The following LRIG3 variants were observed in gnomAD, a reference collection of about 807,000 sequenced individuals.
The protein encoded by LRIG3 is leucine rich repeats and immunoglobulin like domains 3.
LRIG3 carries 76 observed loss-of-function variants against 114.5 expected under a neutral mutation model. The ratio of observed to expected loss-of-function variants is 0.66; its 90% confidence interval spans 0.55 to 0.80. LRIG3 has a LOEUF of 0.80. Among genes scored for constraint, LRIG3 ranks in the 30% least tolerant of loss-of-function variants. LRIG3 has a pLI of 0.00. For synonymous variants in LRIG3, 512 were observed against 519.8 expected (o/e 0.98, Z 0.20); for missense variants, 1,239 against 1,382.8 (o/e 0.90, Z 1.65).
At chr12:58,888,141 G>C (rs1871336605) in intron 7 of LRIG3, among the ~76,000 whole-genome samples, 188 bp downstream of exon 7, 1 of 152,106 alleles carries the variant, frequency 6.6e-6, no homozygotes, top group Admixed American at 6.6e-5. Flanking sequence ...TTGCCAACGT[G>C]ACATAGAACT....
In LRIG3 at chr12:58,874,458, G is replaced by A. The variant is rs201814876; in HGVS notation, c.2811C>T (p.Gly937=). The part of the protein sequence containing the change: ...GPMYLKGNVY[G]SDPFETYHTG... ...TATGATATGTTTCAAAAGGATCTGA[G>A]CCATACACATTTCCCTTCAAATACA... is the stretch of plus-strand genomic sequence containing the variant. The change falls in exon 17 of 19, where the codon GGC becomes GGT. Residue 937 remains glycine (G), a synonymous_variant. Transcript: ENST00000320743. The A allele has an allele frequency of 1.6e-5, 26 of 1,614,180 alleles. No homozygotes were observed. The Admixed American group carries it at 4.0e-4, about 25-fold the overall frequency.
chr12:58,895,858 C>A (rs886814011), intron 3 of LRIG3, among the ~76,000 whole-genome samples: 1 of 152,152 alleles, frequency 6.6e-6, no homozygotes, highest in African/African-American at 2.4e-5. Context: ...CATCACACTT[C>A]CTCTGGTTTC....
At chr12:58,904,359 C>G (rs1871982920) in intron 3 of LRIG3, among the ~76,000 whole-genome samples, 1 of 152,146 alleles carries the variant, frequency 6.6e-6, no homozygotes, top group South Asian at 2.1e-4. Context: ...GCTTTATTGT[C>G]TTGTCTCTCT....
At chr12:58,917,285 G>T (rs536840086) in intron 1 of LRIG3, among the ~76,000 whole-genome samples, 1 of 152,318 alleles carries the variant, frequency 6.6e-6, no homozygotes, top group South Asian at 2.1e-4. Flanking sequence ...ATGCCAGTGA[G>T]AATTTAATAA....
chr12:58,919,723 CAATCTCTGGCG>C (rs1257365363), intron 1 of LRIG3, among the ~76,000 whole-genome samples: 2 of 152,192 alleles, frequency 1.3e-5, no homozygotes, highest in Non-Finnish European at 2.9e-5. Context: ...ACTTCATCCC[CAATCTCTGGCG>C]TCGTTACTGG....
intron 1 of LRIG3, among the ~76,000 whole-genome samples, chr12:58,915,354 A>G (rs1458912460): frequency 1.3e-5 from 2 of 152,234 alleles, no homozygotes; most frequent in Admixed American, 1.3e-4. Flanking sequence ...AGTTTTTTAA[A>G]TAACCAAAGT....
At chr12:58,885,993 T>C (rs781492739) in intron 9 of LRIG3, 91 bp from the exon 10 acceptor site, 26 of 642,826 alleles carry the variant, frequency 4.0e-5, no homozygotes, top group Non-Finnish European at 6.7e-5. Context: ...AAATTATGTG[T>C]GAGCAATTCC....
intron 15 of LRIG3, 41 bp from the exon 16 acceptor site, chr12:58,876,644 G>A (rs200565765): frequency 3.2e-5 from 52 of 1,607,444 alleles, no homozygotes; most frequent in Non-Finnish European, 3.8e-5. Flanking sequence ...AAGGATGATC[G>A]TTAATTGTCC....
Position 58,913,938 on chromosome 12 carries a change from G to T in LRIG3, c.383+44C>A, listed in dbSNP as rs756434013. The T allele has an allele frequency of 2.6e-6, 4 of 1,545,288 alleles. No homozygotes were observed. In the East Asian group the frequency reaches 6.7e-5, roughly 26 times the overall value. ...AGTCCCTATGGAACTCCCACTCAAG[G>T]TTCCTGCAAACATACATGAGGAATT... On this transcript the variant is annotated intron_variant, in intron 3 of 18. Coordinates refer to ENST00000320743, the MANE Select transcript of LRIG3 (RefSeq NM_153377.5).
Position 58,888,377 on chromosome 12 carries a change from T to C in LRIG3, c.899A>G (p.Asn300Ser), listed in dbSNP as rs780014457. 8 of 1,613,902 alleles carry C rather than the reference T, an allele frequency of 5.0e-6. No individual in the cohort carries two copies. Among genetic ancestry groups the C allele is most frequent in the East Asian group, 2.2e-5 (1 of 44,868 alleles). ...CTCCCAGGCATCAGGGCTGATCCTG[T>C]TGATGGCATTTTGGCTGAGATGAAG... Reference protein sequence around the residue: ...QELHLSQNAINRISPDAWEFC... With the variant: ...QELHLSQNAISRISPDAWEFC... Residue 300 changes from asparagine (N) to serine (S), a missense_variant, in exon 7 of 19, where the codon AAC (asparagine) becomes AGC (serine). Physicochemically the swap from Asn to Ser is conservative, Grantham distance 46. Coordinates refer to ENST00000320743, the MANE Select transcript of LRIG3 (RefSeq NM_153377.5).
Position 58,880,892 on chromosome 12 carries a change from G to A in LRIG3, c.1490C>T (p.Pro497Leu). The A allele has an allele frequency of 1.9e-6, 3 of 1,610,390 alleles. No homozygotes were observed. The highest frequency in any genetic ancestry group is 2.5e-6 in the Non-Finnish European group (3 of 1,176,988). The change falls in exon 13 of 19, where the codon CCC becomes CTC. Residue 497 changes from proline to leucine, a missense_variant. Transcript: ENST00000320743. ...TGGCTGAACCGTGATCTGGGGTTTG[G>A]GAAAATCATCTGTTAAAAATGGAGA... ...SPDGFVCDDF[P>L]KPQITVQPET...
Position 58,881,547 on chromosome 12 carries a change from A to G in LRIG3, c.1481-646T>C, listed in dbSNP as rs537846106. Among the ~76,000 whole-genome samples, 4 of 152,298 alleles carry G rather than the reference A, an allele frequency of 2.6e-5. No homozygotes were observed. The South Asian group carries it at 8.3e-4, about 32-fold the overall frequency. The stretch of plus-strand genomic sequence containing the variant: ...CGCCGCGCTGCCCTGTCAAAGCTAC[A>G]TTATAATTAGAGCTAAGCAACTCTT... On this transcript the variant is annotated intron_variant, in intron 12 of 18. Transcript: ENST00000320743.
intron 3 of LRIG3, among the ~76,000 whole-genome samples, chr12:58,893,883 C>T (rs1871539539): frequency 6.6e-6 from 1 of 152,072 alleles, no homozygotes; most frequent in Non-Finnish European, 1.5e-5. Context: ...CTGTCTGAGG[C>T]AAGTATAGCT....
At chr12:58,892,185 T>C (rs1399748558) in intron 3 of LRIG3, among the ~76,000 whole-genome samples, 2 of 152,242 alleles carry the variant, frequency 1.3e-5, no homozygotes, top group Non-Finnish European at 2.9e-5. Context: ...AATTGTCATA[T>C]TAGATCAGGC....
chr12:58,879,706 T>G (rs1044581953), intron 13 of LRIG3, among the ~76,000 whole-genome samples: 1 of 152,234 alleles, frequency 6.6e-6, no homozygotes, highest in African/African-American at 2.4e-5. Context: ...CAAACAAGAA[T>G]AGACTTCTGT....
chr12:58,890,725 A>C lies in LRIG3; in HGVS notation c.455T>G (p.Leu152Arg). 1 of 1,607,282 alleles carries C rather than the reference A, an allele frequency of 6.2e-7. No individual in the cohort carries two copies. The highest frequency in any genetic ancestry group is 8.5e-7 in the Non-Finnish European group (1 of 1,177,300). ...KEFQSLETLDLSSNNISELQT... is the reference protein window; with the variant it reads ...KEFQSLETLDRSSNNISELQT... ...GAGCTCTGAAATATTGTTGCTGCTA[A>C]GGTCCAAAGTTTCAAGGGACTGAAA... Residue 152 changes from leucine (L) to arginine (R), a missense_variant, in exon 4 of 19, where the codon CTT becomes CGT. By Grantham distance (102) the Leu-to-Arg change is moderately radical (BLOSUM62 -2). Transcript: ENST00000320743.
intron 5 of LRIG3, 133 bp downstream of exon 5, chr12:58,889,855 TTCTACAGC>T (rs1871394059): frequency 9.4e-7 from 1 of 1,065,256 alleles, no homozygotes; most frequent in Non-Finnish European, 1.3e-6. Context: ...AATTTGGAGA[TTCTACAGC>T]TCCAACTCTC....
chr12:58,876,144 T>C (rs1341371555), intron 16 of LRIG3, among the ~76,000 whole-genome samples: 2 of 152,238 alleles, frequency 1.3e-5, no homozygotes, highest in Non-Finnish European at 2.9e-5. Context: ...AACCAGTTAA[T>C]ATCATTTAAG....
intron 3 of LRIG3, among the ~76,000 whole-genome samples, chr12:58,894,569 A>T (rs1871573431): frequency 6.6e-6 from 1 of 152,200 alleles, no homozygotes; most frequent in African/African-American, 2.4e-5. Flanking sequence ...TTGGTCAAAA[A>T]TACCCACTTC....
Sources: allele counts gnomAD v4.1 joint callset (sites outside exome capture counted in the v4.1 genomes callset), GRCh38; gene constraint gnomAD v4.1.1; transcripts MANE v1.5; gene names NCBI Gene and HGNC (gene_info 2026-07-23, HGNC 2026-07-21).